Variants in MBTPS1 observed in about 807,000 individuals in gnomAD.
MBTPS1 encodes membrane bound transcription factor peptidase, site 1, also known as membrane-bound transcription factor site-1 protease.
A neutral mutation model predicts 127.8 loss-of-function variants in MBTPS1; 94 were observed. The ratio of observed to expected loss-of-function variants is 0.74; its 90% CI spans 0.62 to 0.87. The LOEUF is 0.87. Ranked by LOEUF, MBTPS1 falls within the 40% of genes least tolerant of loss-of-function variation. The pLI is 0.00. For synonymous variants in MBTPS1, 632 were observed against 509.4 expected (o/e 1.24, Z -3.24); for missense variants, 1,636 against 1,353.2 (o/e 1.21, Z -3.28).
At position 84,074,759 on chromosome 16, in the gene MBTPS1, G is replaced by A; in HGVS notation, c.1449-18C>T. The A allele has an allele frequency of 6.2e-7, 1 of 1,606,732 alleles. No individual in the cohort carries two copies. Among genetic ancestry groups the A allele is most frequent in the Non-Finnish European group, 8.5e-7 (1 of 1,176,532 alleles). On this transcript the variant is annotated intron_variant, in intron 11 of 22. Transcript: ENST00000343411. ...GGCTCAAACTGAAATAAAGAATACA[G>A]TGTTAGAGTAGATCATATGAGAAAA...
chr16:84,110,621 T>C (rs2086384847), intron 1 of MBTPS1: 1 of 152,208 alleles, frequency 6.6e-6, no homozygotes, highest in African/African-American at 2.4e-5. Context: ...CTAAGTAGTC[T>C]GCAAATATTA....
intron 5 of MBTPS1, among the ~76,000 whole-genome samples, 169 bp from the exon 6 acceptor site, chr16:84,093,466 T>A (rs1346912430): frequency 3.9e-5 from 6 of 152,106 alleles, no homozygotes; most frequent in African/African-American, 1.4e-4. Flanking sequence ...CAAGCACCCC[T>A]TCCAGGTCTA....
Position 84,095,802 on chromosome 16 carries a change from T to G in MBTPS1, c.425A>C (p.Asp142Ala). 1 of 1,613,142 alleles carries G rather than the reference T, an allele frequency of 6.2e-7. No homozygotes were observed. The highest frequency in any genetic ancestry group is 8.5e-7 in the Non-Finnish European group (1 of 1,179,642). Residue 142 changes from aspartate (D) to alanine (A), a missense_variant, in exon 4 of 23, where the codon GAC (aspartate) becomes GCC (alanine). By Grantham distance (126) the Asp-to-Ala change is moderately radical (BLOSUM62 -2). Coordinates refer to ENST00000343411, the MANE Select transcript of MBTPS1 (RefSeq NM_003791.4). ...GGTTTCATTGCAGGGTACTGTGGGG[T>G]CAGCTACAGGCAAGGGAGAGAAAGA... ...VFRSLKYAES[D>A]PTVPCNETRW...
At chr16:84,102,888 A>G (rs1049886722) in intron 1 of MBTPS1, among the ~76,000 whole-genome samples, 5 of 152,186 alleles carry the variant, frequency 3.3e-5, no homozygotes, top group Non-Finnish European at 7.4e-5. Context: ...CCTGAAATTT[A>G]TTTTACCTGA....
rs2085809953 is a variant in MBTPS1 at position 84,073,817 on chromosome 16, C to G, written c.1593+780G>C. 2.0e-5 allele frequency among the ~76,000 whole-genome samples: 3 copies of G among 152,022 alleles called. No homozygotes were observed. In the South Asian group the frequency reaches 6.2e-4, roughly 32 times the overall value. ...GTCAGGAATTCGAGACCAGCCTGGC[C>G]AACATGGTGAAACCCTGTCTCCACT... On this transcript the variant is annotated intron_variant, in intron 12 of 22. Transcript: ENST00000343411.
chr16:84,087,662 A>G (rs1198304817), intron 8 of MBTPS1, among the ~76,000 whole-genome samples: 3 of 152,104 alleles, frequency 2.0e-5, no homozygotes, highest in Non-Finnish European at 4.4e-5. Context: ...CTGTGCTCAC[A>G]TTACGCCCTC....
intron 12 of MBTPS1, among the ~76,000 whole-genome samples, chr16:84,072,319 GAA>G (rs2085781824): frequency 1.3e-5 from 2 of 152,054 alleles, no homozygotes; most frequent in South Asian, 4.2e-4. Flanking sequence ...GTGGAAGGAA[GAA>G]GGAGTGGCTG....
chr16:84,063,488 C>G (rs996214139), intron 18 of MBTPS1, 43 bp from the exon 19 acceptor site: 2 of 1,589,298 alleles, frequency 1.3e-6, no homozygotes, highest in Non-Finnish European at 1.7e-6. Flanking sequence ...AGAGTTTCCA[C>G]TGAGCAGTGA....
intron 1 of MBTPS1, among the ~76,000 whole-genome samples, chr16:84,116,319 AT>A: frequency 6.6e-6 from 1 of 152,352 alleles, no homozygotes; most frequent in South Asian, 2.1e-4. Context: ...GCCGAACAGA[AT>A]CCCCGCATTT....
chr16:84,054,669 C>T (rs760763009), intron 22 of MBTPS1, 24 bp from the exon 23 acceptor site: 1 of 1,537,322 alleles, frequency 6.5e-7, no homozygotes. Context: ...GCCGGTTGAA[C>T]AGGCAGGAAC....
chr16:84,063,916 G>A (rs1036304068), intron 18 of MBTPS1, among the ~76,000 whole-genome samples: 7 of 152,148 alleles, frequency 4.6e-5, no homozygotes, highest in African/African-American at 1.7e-4. Flanking sequence ...TGAAAAGCTA[G>A]GACAAATGTA....
intron 14 of MBTPS1, among the ~76,000 whole-genome samples, chr16:84,068,727 T>A (rs181802053): frequency 2.2e-4 from 33 of 152,366 alleles, no homozygotes; most frequent in African/African-American, 7.7e-4. Flanking sequence ...GTTTAATGTG[T>A]CCTGGACCAT....
At chr16:84,076,477 A>G (rs1046419477) in intron 11 of MBTPS1, among the ~76,000 whole-genome samples, 3 of 152,236 alleles carry the variant, frequency 2.0e-5, no homozygotes, top group Admixed American at 6.5e-5. Flanking sequence ...TGAAGCCTTA[A>G]GAATTGGCAA....
chr16:84,073,368 G>A (rs773999421), intron 12 of MBTPS1, among the ~76,000 whole-genome samples: 10 of 152,014 alleles, frequency 6.6e-5, no homozygotes, highest in Admixed American at 1.3e-4. Context: ...TCTTGACCTC[G>A]TGATCCTCCT....
Position 84,069,937 on chromosome 16 carries a change from G to A in MBTPS1, c.1884C>T (p.Tyr628=), listed in dbSNP as rs1250229828. The change falls in exon 14 of 23, where the codon TAC becomes TAT. Residue 628 remains tyrosine, a synonymous_variant. Coordinates refer to ENST00000343411, the MANE Select transcript of MBTPS1 (RefSeq NM_003791.4). Reference sequence around the variant, plus strand: ...AGCCAGGTGGATAGCGGAGGTTGTGGTACTGATCCCAGAGAACTCTCTTGC... The same window carrying A: ...AGCCAGGTGGATAGCGGAGGTTGTGATACTGATCCCAGAGAACTCTCTTGC... The part of the protein sequence containing the change: ...PRSKRVLWDQ[Y]HNLRYPPGYF... The A allele has an allele frequency of 3.1e-6, 5 of 1,613,936 alleles. No homozygotes were observed. The highest frequency in any genetic ancestry group is 4.2e-6 in the Non-Finnish European group (5 of 1,179,966).
chr16:84,073,284 T>C (rs1483069257), intron 12 of MBTPS1, among the ~76,000 whole-genome samples: 1 of 152,050 alleles, frequency 6.6e-6, no homozygotes, highest in Non-Finnish European at 1.5e-5. Context: ...CAAGCGTGTG[T>C]CACCACGCCC....
chr16:84,091,905 G>A (rs1308280455), intron 6 of MBTPS1, 57 bp from the exon 7 acceptor site: 1 of 1,005,840 alleles, frequency 9.9e-7, no homozygotes, highest in Non-Finnish European at 1.6e-6. Context: ...AAAGTGCTAG[G>A]ACAGTTTTTA....
intron 1 of MBTPS1, among the ~76,000 whole-genome samples, chr16:84,111,606 C>A (rs1035695762): frequency 1.3e-5 from 2 of 151,838 alleles, no homozygotes; most frequent in Non-Finnish European, 2.9e-5. Context: ...AGTCAGGAGC[C>A]AAGGAACGCA....
chr16:84,057,676 A>T (rs2085541816), intron 21 of MBTPS1: 1 of 152,244 alleles, frequency 6.6e-6, no homozygotes, highest in South Asian at 2.1e-4. Context: ...GACTCAGAAT[A>T]TGCGTCGATC....
Sources: gnomAD v4.1 joint callset for allele counts (sites outside exome capture counted in the v4.1 genomes callset) on GRCh38, gnomAD v4.1.1 for gene constraint, MANE v1.5 for transcripts, NCBI Gene and HGNC (gene_info 2026-07-23, HGNC 2026-07-21) for gene names.